Variants in SRSF4 observed in about 807,000 individuals in gnomAD.
The protein encoded by SRSF4 is serine/arginine-rich splicing factor 4.
A neutral mutation model predicts 48.8 loss-of-function variants in SRSF4; 12 were observed. That is an observed-to-expected ratio of 0.25 (90% CI 0.16 to 0.40). SRSF4 has a LOEUF of 0.40. Among genes scored for constraint, SRSF4 ranks in the 10% least tolerant of loss-of-function variants. The probability of loss-of-function intolerance (pLI) is 1.00; values close to 1 mark genes in which losing one functional copy is unlikely to be tolerated. For synonymous variants in SRSF4, 248 were observed against 232.5 expected, an observed-to-expected ratio of 1.07 and a Z score of -0.61; for missense variants, 466 against 667.1, an observed-to-expected ratio of 0.70 and a Z score of 3.32.
chr1:29,181,183 G>A (rs536995101), intron 1 of SRSF4, among the ~76,000 whole-genome samples: 75 of 152,362 alleles, frequency 4.9e-4, no homozygotes, highest in African/African-American at 1.7e-3. Context: ...AGTCCTCGGG[G>A]AAGACGGCGC....
intron 1 of SRSF4, among the ~76,000 whole-genome samples, chr1:29,162,730 T>C (rs1672617745): frequency 6.6e-6 from 1 of 152,198 alleles, no homozygotes; most frequent in African/African-American, 2.4e-5. Flanking sequence ...CCAGGACTGA[T>C]CTAACGTGAT....
At chr1:29,156,469 T>C (rs1672501049) in intron 3 of SRSF4, among the ~76,000 whole-genome samples, 1 of 152,190 alleles carries the variant, frequency 6.6e-6, no homozygotes, top group Non-Finnish European at 1.5e-5. Flanking sequence ...CTAGGCTTTT[T>C]ATATATAAAA....
intron 1 of SRSF4, 102 bp from the exon 2 acceptor site, chr1:29,160,619 T>G: frequency 7.3e-7 from 1 of 1,370,700 alleles, no homozygotes; most frequent in South Asian, 1.5e-5. Context: ...AAAGGTTAGG[T>G]GGATTTTGCA....
chr1:29,176,341 T>C (rs1672853424), intron 1 of SRSF4, among the ~76,000 whole-genome samples: 1 of 152,230 alleles, frequency 6.6e-6, no homozygotes, highest in African/African-American at 2.4e-5. Context: ...TTGTCACTCA[T>C]TAGTTATAGC....
Position 29,159,464 on chromosome 1 carries a change from ACTT to A in SRSF4, c.270_272del (p.Arg90del), listed in dbSNP as rs771528918. The A allele has an allele frequency of 6.2e-7, 1 of 1,613,824 alleles. No homozygotes were observed. The stretch of plus-strand genomic sequence containing the variant: ...TAGGAGGGCCATATTTATCTCGGCC[ACTT>A]CTTCTATAACCATATCCACCTTTGG... On this transcript the variant is annotated inframe_deletion, in exon 3 of 6. Transcript: ENST00000373795.
chr1:29,175,041 T>C (rs1299289951), intron 1 of SRSF4, among the ~76,000 whole-genome samples: 1 of 150,062 alleles, frequency 6.7e-6, no homozygotes, highest in Non-Finnish European at 1.5e-5. Flanking sequence ...CACATGCCCA[T>C]ACCTGTATGT....
Position 29,148,250 on chromosome 1 carries a change from C to A in SRSF4, c.*160G>T. On this transcript the variant is annotated 3_prime_UTR_variant, in exon 6 of 6. Coordinates refer to ENST00000373795, the MANE Select transcript of SRSF4 (RefSeq NM_005626.5). The stretch of plus-strand genomic sequence containing the variant: ...AGCAGGAAGGCCTGGTGCCAGGAGG[C>A]TTTACTGAGAGGAAGCACTTAGATT... 9.3e-7 allele frequency: 1 copy of A among 1,074,892 alleles called. No homozygotes were observed. The highest frequency in any genetic ancestry group is 1.4e-6 in the Non-Finnish European group (1 of 722,964). 66.6% of individuals were successfully genotyped at this position (1,074,892 alleles called of 1,614,324 possible).
intron 1 of SRSF4, among the ~76,000 whole-genome samples, chr1:29,179,469 C>T (rs1672920936): frequency 6.6e-6 from 1 of 152,126 alleles, no homozygotes; most frequent in African/African-American, 2.4e-5. Context: ...AAGTGATCCT[C>T]CTGCCTCATC....
intron 1 of SRSF4, among the ~76,000 whole-genome samples, chr1:29,161,312 G>A (rs1672591161): frequency 6.6e-6 from 1 of 152,226 alleles, no homozygotes; most frequent in African/African-American, 2.4e-5. Context: ...CAAATGCCCT[G>A]TAAATTATGT....
chr1:29,162,917 T>A (rs768944433), intron 1 of SRSF4, among the ~76,000 whole-genome samples: 5 of 152,192 alleles, frequency 3.3e-5, no homozygotes, highest in Non-Finnish European at 7.3e-5. Context: ...TGATGGCAAG[T>A]GATGCTTCTG....
chr1:29,165,360 G>A (rs1672656339), intron 1 of SRSF4, among the ~76,000 whole-genome samples: 1 of 152,190 alleles, frequency 6.6e-6, no homozygotes, highest in African/African-American at 2.4e-5. Context: ...TCATAATTCT[G>A]AAAAGGTAGA....
intron 3 of SRSF4, among the ~76,000 whole-genome samples, chr1:29,156,614 T>C (rs1672503766): frequency 6.6e-6 from 1 of 152,206 alleles, no homozygotes; most frequent in Admixed American, 6.5e-5. Flanking sequence ...ACCAGGATTC[T>C]ATTCAGGTTG....
chr1:29,175,574 A>G (rs1028278066), intron 1 of SRSF4, among the ~76,000 whole-genome samples: 1 of 149,632 alleles, frequency 6.7e-6, no homozygotes, highest in Non-Finnish European at 1.5e-5. Context: ...GGGCTCCTGT[A>G]GTCCCAGCTA....
At chr1:29,149,687 GGA>G (rs146467391) in intron 5 of SRSF4, among the ~76,000 whole-genome samples, 4 of 92,524 alleles carry the variant, frequency 4.3e-5, no homozygotes, top group South Asian at 4.2e-4. Context: ...TCTTGAGGGG[GGA>G]AAAAAAAAAA....
intron 1 of SRSF4, 111 bp from the exon 2 acceptor site, chr1:29,160,628 C>T: frequency 1.6e-6 from 2 of 1,274,712 alleles, no homozygotes; most frequent in Non-Finnish European, 1.1e-6. Context: ...GTGGATTTTG[C>T]AAACTAAGGA....
intron 1 of SRSF4, among the ~76,000 whole-genome samples, chr1:29,178,558 A>AGG (rs1465373183): frequency 2.0e-5 from 3 of 151,622 alleles, no homozygotes; most frequent in Admixed American, 2.0e-4. Context: ...GGGTTTCACC[A>AGG]TCTTAACCAG....
rs760873622 is a variant in SRSF4, at chr1:29,154,730, G to A, written c.544C>T (p.Arg182Cys). ...CTCCGGCTTCTGGAGTAGGACCGGC[G>A]TCGTCTGGAACCTGGCTTGTCTTCA... is the stretch of plus-strand genomic sequence containing the variant. ...LVEDKPGSRR[R>C]RSYSRSRSHS... The change falls in exon 4 of 6, where the codon CGC becomes TGC. Residue 182 changes from arginine to cysteine, a missense_variant. Around this residue, in one of 2 missense-constraint regions of SRSF4, gnomAD observed 402 missense variants for 437.0 expected, o/e 0.92. Transcript: ENST00000373795. 6 of 1,614,164 alleles carry A rather than the reference G, an allele frequency of 3.7e-6. No homozygotes were observed. The highest frequency in any genetic ancestry group is 5.1e-6 in the Non-Finnish European group (6 of 1,180,034).
rs369228990 is a variant in SRSF4, at chr1:29,175,519, C to T, written c.107+6127G>A. Among the ~76,000 whole-genome samples, 18 of 150,296 alleles carry T rather than the reference C, an allele frequency of 1.2e-4. No individual in the cohort carries two copies. In the East Asian group the frequency reaches 2.0e-3, roughly 16 times the overall value. ...GACCATCCTGGGTAACACAGTGAAA[C>T]CCCGTCTCTACTAAAAATACAAAAA... On this transcript the variant is annotated intron_variant, in intron 1 of 5. Transcript: ENST00000373795.
At chr1:29,175,269 C>T (rs1030360280) in intron 1 of SRSF4, among the ~76,000 whole-genome samples, 4 of 151,682 alleles carry the variant, frequency 2.6e-5, no homozygotes, top group African/African-American at 7.3e-5. Context: ...AAAAATTAGC[C>T]GGGGGTGGTG....
Sources: allele counts gnomAD v4.1 joint callset (sites outside exome capture counted in the v4.1 genomes callset), GRCh38; gene constraint gnomAD v4.1.1; regional missense constraint gnomAD v4.1.1; transcripts MANE v1.5; gene names NCBI Gene and HGNC (gene_info 2026-07-23, HGNC 2026-07-21).